GRIK4: variants seen among roughly 807,000 people sequenced by gnomAD.
GRIK4 encodes the protein glutamate receptor ionotropic, kainate 4.
In GRIK4, 40 loss-of-function variants were observed where a neutral mutation model predicts 104.9. The observed-to-expected ratio is 0.38, with a 90% confidence interval of 0.30 to 0.50. The LOEUF (loss-of-function observed/expected upper bound fraction) is 0.50, where lower values mean the gene tolerates loss of function less well. Ranked by LOEUF, GRIK4 falls within the 20% of genes least tolerant of loss-of-function variation. The pLI, the probability that GRIK4 is intolerant of heterozygous loss-of-function variation, is 0.93. For missense variants in GRIK4, 1,047 were observed against 1,308.1 expected, an observed-to-expected ratio of 0.80 and a Z score of 3.08; for synonymous variants, 485 against 524.9, an observed-to-expected ratio of 0.92 and a Z score of 1.04.
At chr11:120,716,891 C>T (rs2135366898) in intron 3 of GRIK4, among the ~76,000 whole-genome samples, 1 of 152,320 alleles carries the variant, frequency 6.6e-6, no homozygotes, top group Non-Finnish European at 1.5e-5. Context: ...CCCTGAACTC[C>T]ATTTATCAGC....
chr11:120,646,486 G>A (rs1352307754), intron 1 of GRIK4, among the ~76,000 whole-genome samples: 1 of 152,176 alleles, frequency 6.6e-6, no homozygotes, highest in East Asian at 1.9e-4. Context: ...GAGGGAGTGG[G>A]GGGACATCTC....
intron 1 of GRIK4, among the ~76,000 whole-genome samples, chr11:120,551,695 C>A (rs185691570): frequency 6.6e-6 from 1 of 151,944 alleles, no homozygotes; most frequent in Non-Finnish European, 1.5e-5. Flanking sequence ...GCAGGAGAAT[C>A]GATTGAACCT....
At chr11:120,613,074 A>T (rs1185584524) in intron 1 of GRIK4, among the ~76,000 whole-genome samples, 2 of 152,154 alleles carry the variant, frequency 1.3e-5, no homozygotes, top group Non-Finnish European at 2.9e-5. Flanking sequence ...GGTCTCTGCC[A>T]TTGGGGTCTT....
intron 19 of GRIK4, among the ~76,000 whole-genome samples, chr11:120,971,642 G>C (rs1298793482): frequency 6.6e-6 from 1 of 152,222 alleles, no homozygotes; most frequent in Non-Finnish European, 1.5e-5. Context: ...GAGAGACACA[G>C]ATAGTTGCTG....
Position 120,986,058 on chromosome 11 carries a change from G to C in GRIK4, c.2669G>C (p.Gly890Ala). The C allele has an allele frequency of 6.6e-7, 1 of 1,521,780 alleles. No individual in the cohort carries two copies. The highest frequency in any genetic ancestry group is 8.8e-7 in the Non-Finnish European group (1 of 1,137,664). 94.3% of individuals were successfully genotyped at this position (1,521,780 alleles called of 1,614,324 possible). A position where few individuals can be genotyped will look rare whatever the true frequency, so the allele number is the denominator to read the frequency against. The change falls in exon 21 of 21, where the codon GGG (glycine) becomes GCG (alanine). Residue 890 changes from glycine to alanine, a missense_variant. Transcript: ENST00000527524. Reference protein sequence around the residue: ...RPRGTATLSNGKLCGAGEPDQ... With the variant: ...RPRGTATLSNAKLCGAGEPDQ... ...CGGGGCACGGCGACGCTCAGCAACG[G>C]GAAGCTGTGCGGGGCAGGGGAGCCC...
chr11:120,783,543 G>T (rs1397174954), intron 3 of GRIK4, among the ~76,000 whole-genome samples: 2 of 151,982 alleles, frequency 1.3e-5, no homozygotes, highest in Non-Finnish European at 2.9e-5. Flanking sequence ...AAGTTTAGTA[G>T]GTTTATGGTC....
intron 13 of GRIK4, among the ~76,000 whole-genome samples, chr11:120,911,353 C>G (rs1310810568): frequency 6.7e-6 from 1 of 150,194 alleles, no homozygotes; most frequent in Non-Finnish European, 1.5e-5. Flanking sequence ...ATTCTCCTGC[C>G]TCAGCCTCCC....
chr11:120,565,814 TTAAC>T (rs1182023540), intron 1 of GRIK4, among the ~76,000 whole-genome samples: 14 of 152,230 alleles, frequency 9.2e-5, no homozygotes, highest in South Asian at 2.1e-4. Context: ...ATGAGAAAAC[TTAAC>T]TAATAGCACG....
intron 8 of GRIK4, among the ~76,000 whole-genome samples, chr11:120,853,536 G>A (rs1565393497): frequency 6.6e-6 from 1 of 152,174 alleles, no homozygotes; most frequent in Non-Finnish European, 1.5e-5. Context: ...GACAATAAAT[G>A]AGTGCATACC....
At chr11:120,954,074 G>A (rs1294716821) in intron 15 of GRIK4, among the ~76,000 whole-genome samples, 1 of 152,056 alleles carries the variant, frequency 6.6e-6, no homozygotes, top group East Asian at 1.9e-4. Flanking sequence ...TTCATTCACT[G>A]GATTGATGGG....
intron 1 of GRIK4, among the ~76,000 whole-genome samples, chr11:120,550,656 G>T (rs544740733): frequency 6.6e-6 from 1 of 152,264 alleles, no homozygotes; most frequent in East Asian, 1.9e-4. Flanking sequence ...GCAAGCCAGG[G>T]TGGATGTGGC....
chr11:120,846,962 G>A (rs931960886), intron 8 of GRIK4, among the ~76,000 whole-genome samples: 2 of 152,156 alleles, frequency 1.3e-5, no homozygotes, highest in African/African-American at 2.4e-5. Flanking sequence ...GAGCACCCCT[G>A]TCTTCTGAGC....
intron 4 of GRIK4, among the ~76,000 whole-genome samples, chr11:120,808,748 G>A (rs2135522432): frequency 6.6e-6 from 1 of 152,306 alleles, no homozygotes; most frequent in East Asian, 1.9e-4. Context: ...CCTTGCCCTA[G>A]GATGGCCAGG....
intron 1 of GRIK4, among the ~76,000 whole-genome samples, chr11:120,603,305 G>A (rs896816469): frequency 2.6e-5 from 4 of 152,222 alleles, no homozygotes; most frequent in South Asian, 2.1e-4. Context: ...TGGTCGGCTC[G>A]AGAGTGTGAA....
intron 1 of GRIK4, among the ~76,000 whole-genome samples, chr11:120,627,798 C>G (rs1257013738): frequency 6.6e-6 from 1 of 152,174 alleles, no homozygotes; most frequent in Non-Finnish European, 1.5e-5. Flanking sequence ...AGAGCTGCTC[C>G]CATCTGGCTG....
intron 1 of GRIK4, among the ~76,000 whole-genome samples, chr11:120,554,365 G>C (rs1275113607): frequency 2.6e-5 from 4 of 152,132 alleles, no homozygotes; most frequent in African/African-American, 9.7e-5. Flanking sequence ...AGTGCAGGTG[G>C]GGTCAGGCCT....
At chr11:120,530,061 C>T (rs1218626227) in intron 1 of GRIK4, among the ~76,000 whole-genome samples, 2 of 152,206 alleles carry the variant, frequency 1.3e-5, no homozygotes, top group African/African-American at 4.8e-5. Context: ...TCCTATGAGG[C>T]CCCATGTTCT....
chr11:120,641,003 C>A (rs765181296), intron 1 of GRIK4, among the ~76,000 whole-genome samples: 1 of 152,230 alleles, frequency 6.6e-6, no homozygotes, highest in Admixed American at 6.5e-5. Flanking sequence ...TGAGCCACCG[C>A]GCCCGGCCCA....
intron 13 of GRIK4, among the ~76,000 whole-genome samples, chr11:120,933,410 A>G (rs1307594611): frequency 6.6e-6 from 1 of 152,182 alleles, no homozygotes; most frequent in Non-Finnish European, 1.5e-5. Flanking sequence ...ACCAGGCCCC[A>G]TGCTCAGCAT....
Sources: gnomAD v4.1 joint callset for allele counts (sites outside exome capture counted in the v4.1 genomes callset) on GRCh38, gnomAD v4.1.1 for gene constraint, MANE v1.5 for transcripts, NCBI Gene and HGNC (gene_info 2026-07-23, HGNC 2026-07-21) for gene names.